BTAF1: variants seen among roughly 807,000 people sequenced by gnomAD.
BTAF1 encodes the protein TATA-binding protein-associated factor 172.
In BTAF1, 38 loss-of-function variants were observed where a neutral mutation model predicts 227.1. The ratio of observed to expected loss-of-function variants is 0.17; its 90% CI spans 0.13 to 0.22. The LOEUF (loss-of-function observed/expected upper bound fraction) is 0.22, where lower values mean the gene tolerates loss of function less well. Ranked by LOEUF, BTAF1 falls within the 10% of genes least tolerant of loss-of-function variation. The pLI is 1.00. For missense variants in BTAF1, 1,598 were observed against 2,204.0 expected, an observed-to-expected ratio of 0.73 and a Z score of 5.51; for synonymous variants, 742 against 751.9, an observed-to-expected ratio of 0.99 and a Z score of 0.21.
At chr10:91,945,998 A>C (rs189614098) in intron 4 of BTAF1, among the ~76,000 whole-genome samples, 1 of 152,202 alleles carries the variant, frequency 6.6e-6, no homozygotes, top group Admixed American at 6.5e-5. Flanking sequence ...ATGTGGTAGT[A>C]TTTCATTTTA....
chr10:91,992,695 G>A (rs2134031371), intron 21 of BTAF1, among the ~76,000 whole-genome samples: 1 of 152,242 alleles, frequency 6.6e-6, no homozygotes, highest in South Asian at 2.1e-4. Context: ...TTAGTGTGAG[G>A]TAGGGTTCTA....
rs3817332 is a variant in BTAF1 at position 92,011,440 on chromosome 10, T to A, written c.4311+25T>A. 5.7e-3 allele frequency: 6,208 copies of A among 1,095,950 alleles called. 25 individuals carry two copies. Among genetic ancestry groups the A allele is most frequent in the Non-Finnish European group, 6.9e-3 (5,819 of 841,930 alleles). The allele number at this position is 1,095,950 out of a possible 1,614,324, so 67.9% of individuals were successfully genotyped here. ...GGTAATTATTTATTATTATTTTTTT[T>A]AATTATTTTTATTTTTATTTTTCAT... On this transcript the variant is annotated intron_variant, in intron 30 of 37. Coordinates refer to ENST00000265990, the MANE Select transcript of BTAF1 (RefSeq NM_003972.3).
intron 11 of BTAF1, among the ~76,000 whole-genome samples, chr10:91,960,587 GTT>G (rs369256520): frequency 7.8e-5 from 11 of 140,264 alleles, no homozygotes; most frequent in Non-Finnish European, 6.2e-5. Context: ...AACTGTCAGT[GTT>G]TTTTTTTTTT....
chr10:91,967,806 A>T (rs1026420076), intron 14 of BTAF1, among the ~76,000 whole-genome samples: 1 of 152,138 alleles, frequency 6.6e-6, no homozygotes, highest in Non-Finnish European at 1.5e-5. Flanking sequence ...GTGAATTCTT[A>T]AATTCATTTT....
chr10:92,011,159 TA>T lies in BTAF1; in HGVS notation c.4181+11del, dbSNP rs754195312. On this transcript the variant is annotated intron_variant, in intron 29 of 37. Coordinates refer to ENST00000265990, the MANE Select transcript of BTAF1 (RefSeq NM_003972.3). ...GACATAGATTTCTTTAGGTAAGAAT[TA>T]ATTTTTTTTTTAGAAAAATTAATAT... 15 of 1,568,030 alleles carry T rather than the reference TA, an allele frequency of 9.6e-6. No homozygotes were observed. The African/African-American group carries it at 2.1e-4, about 22-fold the overall frequency.
intron 28 of BTAF1, among the ~76,000 whole-genome samples, chr10:92,009,790 ATT>A (rs1484253375): frequency 2.0e-5 from 3 of 152,074 alleles, no homozygotes; most frequent in Non-Finnish European, 2.9e-5. Flanking sequence ...AAATTTTAGC[ATT>A]GTTTCAGCTT....
In BTAF1 at chr10:91,947,735, CAAAAA is replaced by C. The variant is rs34292341; in HGVS notation, c.401-3650_401-3646del. Among the ~76,000 whole-genome samples, 16 of 107,386 alleles carry C rather than the reference CAAAAA, an allele frequency of 1.5e-4. No individual in the cohort carries two copies. In the South Asian group the frequency reaches 3.5e-3, roughly 24 times the overall value. The allele number at this position is 107,386 out of a possible 152,430, so 70.4% of individuals were successfully genotyped here. ...TTTAGGACCAGTCTGTCAATGTTTG[CAAAAA>C]AAAAAAAAAAAAAAAAAGCCAGCTG... On this transcript the variant is annotated intron_variant, in intron 4 of 37. Coordinates refer to ENST00000265990, the MANE Select transcript of BTAF1 (RefSeq NM_003972.3).
In BTAF1 at chr10:92,029,559, C is replaced by T. The variant is rs1387636053; in HGVS notation, c.*626C>T. 5.3e-5 allele frequency: 8 copies of T among 151,770 alleles called. No homozygotes were observed. The highest frequency in any genetic ancestry group is 1.2e-4 in the Non-Finnish European group (8 of 67,862). 9.4% of individuals were successfully genotyped at this position (151,770 alleles called of 1,614,324 possible). On this transcript the variant is annotated 3_prime_UTR_variant, in exon 38 of 38. Coordinates refer to ENST00000265990, the MANE Select transcript of BTAF1 (RefSeq NM_003972.3). ...GATATAATATCAACTATTCTAAATA[C>T]AGGTAATGGTATATTTAAGGCTACC...
chr10:91,950,156 GGC>G (rs58961129), intron 4 of BTAF1, among the ~76,000 whole-genome samples: 1,592 of 39,516 alleles, frequency 0.04, 106 homozygotes, highest in African/African-American at 0.072. Flanking sequence ...TGTGGGGGGG[GGC>G]GGGAAAGAAG....
chr10:92,001,979 T>TAC (rs1227419565), intron 25 of BTAF1, among the ~76,000 whole-genome samples: 81 of 86,288 alleles, frequency 9.4e-4, no homozygotes, highest in East Asian at 1.9e-3. Flanking sequence ...CATATATATA[T>TAC]ATATATACAC....
chr10:91,992,739 A>T (rs1848883793), intron 21 of BTAF1, among the ~76,000 whole-genome samples: 1 of 152,192 alleles, frequency 6.6e-6, no homozygotes. Context: ...CAGTTATCCC[A>T]CTATTGAATC....
At chr10:91,988,353 G>C (rs1187838567) in intron 19 of BTAF1, among the ~76,000 whole-genome samples, 8 of 152,180 alleles carry the variant, frequency 5.3e-5, no homozygotes, top group African/African-American at 9.7e-5. Flanking sequence ...CATGAGCATA[G>C]TGGATTTAGG....
chr10:92,014,836 AC>A (rs1329013467), intron 32 of BTAF1, among the ~76,000 whole-genome samples: 1 of 152,222 alleles, frequency 6.6e-6, no homozygotes, highest in African/African-American at 2.4e-5. Context: ...ACTTACACAC[AC>A]CTAGATGGTA....
chr10:92,018,724 A>T, intron 33 of BTAF1, 59 bp from the exon 34 acceptor site: 2 of 1,330,696 alleles, frequency 1.5e-6, no homozygotes, highest in Non-Finnish European at 2.0e-6. Context: ...AGATACAGAG[A>T]TAAAAATATT....
chr10:92,022,620 G>A (rs1246883233), intron 34 of BTAF1, among the ~76,000 whole-genome samples: 2 of 152,036 alleles, frequency 1.3e-5, no homozygotes, highest in Admixed American at 6.6e-5. Flanking sequence ...ATCTTCCTAT[G>A]TTGGCTAGGC....
intron 11 of BTAF1, 36 bp from the exon 12 acceptor site, chr10:91,962,502 T>G: frequency 1.4e-6 from 2 of 1,413,332 alleles, no homozygotes; most frequent in Non-Finnish European, 1.9e-6. Flanking sequence ...AACTGTAGAA[T>G]AGAAAATTAA....
At chr10:91,988,134 T>C (rs1344517196) in intron 19 of BTAF1, among the ~76,000 whole-genome samples, 2 of 152,254 alleles carry the variant, frequency 1.3e-5, no homozygotes, top group Non-Finnish European at 2.9e-5. Context: ...TAAGGAGTGC[T>C]CTGTATTCCC....
At chr10:91,975,491 C>G (rs567384961) in intron 14 of BTAF1, among the ~76,000 whole-genome samples, 41 of 152,290 alleles carry the variant, frequency 2.7e-4, no homozygotes, top group African/African-American at 9.9e-4. Context: ...ATGAATAGAA[C>G]AAGGCATTAT....
intron 1 of BTAF1, among the ~76,000 whole-genome samples, chr10:91,928,310 C>G (rs1844008851): frequency 6.6e-6 from 1 of 152,100 alleles, no homozygotes; most frequent in African/African-American, 2.4e-5. Flanking sequence ...TGAATTACAT[C>G]TTGCAAAAAT....
Sources: gnomAD v4.1 joint callset for allele counts (sites outside exome capture counted in the v4.1 genomes callset) on GRCh38, gnomAD v4.1.1 for gene constraint, MANE v1.5 for transcripts, NCBI Gene and HGNC (gene_info 2026-07-23, HGNC 2026-07-21) for gene names.